The following PEX5L variants were observed in gnomAD, a reference collection of about 807,000 sequenced individuals.
The protein encoded by PEX5L is peroxisomal biogenesis factor 5 like, also known as PEX5-related protein.
In PEX5L, 30 loss-of-function variants were observed where a neutral mutation model predicts 84.0. That is an observed-to-expected ratio of 0.36 (90% CI 0.27 to 0.48). The LOEUF (loss-of-function observed/expected upper bound fraction) is 0.48, where lower values mean the gene tolerates loss of function less well. Among genes scored for constraint, PEX5L ranks in the 20% least tolerant of loss-of-function variants. The pLI is 0.99. For missense variants in PEX5L, 533 were observed against 754.6 expected (o/e 0.71, Z 3.44); for synonymous variants, 270 against 283.1 (o/e 0.95, Z 0.46).
intron 1 of PEX5L, chr3:179,973,294 A>T (rs1472792484): frequency 7.8e-7 from 1 of 1,283,908 alleles, no homozygotes; most frequent in Non-Finnish European, 1.0e-6. Context: ...CCTTGCCAGA[A>T]CTTGCTGACC....
intron 7 of PEX5L, among the ~76,000 whole-genome samples, chr3:179,867,455 G>A (rs1372219720): frequency 6.6e-6 from 1 of 151,912 alleles, no homozygotes; most frequent in African/African-American, 2.4e-5. Context: ...TTTCTTTCCT[G>A]CCTGCCTGCC....
chr3:179,868,548 T>G (rs1274802668), intron 7 of PEX5L, among the ~76,000 whole-genome samples: 2 of 152,148 alleles, frequency 1.3e-5, no homozygotes, highest in Non-Finnish European at 2.9e-5. Context: ...GAAGTGGCCC[T>G]GCAAAGCTGT....
intron 1 of PEX5L, among the ~76,000 whole-genome samples, chr3:180,024,650 CT>C (rs779705858): frequency 5.5e-4 from 84 of 151,890 alleles, no homozygotes; most frequent in Middle Eastern, 3.4e-3. Context: ...AGTACAGCTC[CT>C]TCCTTGGATC....
chr3:179,946,416 C>T (rs1777559334), intron 2 of PEX5L, among the ~76,000 whole-genome samples: 1 of 152,174 alleles, frequency 6.6e-6, no homozygotes, highest in African/African-American at 2.4e-5. Flanking sequence ...TAGACACCAT[C>T]CCTTATCTCC....
chr3:179,928,614 A>T (rs1578582932), intron 2 of PEX5L, among the ~76,000 whole-genome samples: 2 of 152,200 alleles, frequency 1.3e-5, no homozygotes, highest in Non-Finnish European at 2.9e-5. Flanking sequence ...ATTGAATTTT[A>T]AGCATTTTCC....
intron 1 of PEX5L, among the ~76,000 whole-genome samples, chr3:180,036,089 G>A (rs1452725576): frequency 6.6e-6 from 1 of 152,208 alleles, no homozygotes; most frequent in African/African-American, 2.4e-5. Flanking sequence ...CCCATAATGT[G>A]AAGGGGGAAA....
At chr3:179,969,895 C>A (rs1006656148) in intron 2 of PEX5L, among the ~76,000 whole-genome samples, 2 of 152,070 alleles carry the variant, frequency 1.3e-5, no homozygotes, top group African/African-American at 2.4e-5. Context: ...GTTTTGTTCT[C>A]TTATTTTTTC....
At chr3:179,919,324 G>A (rs1439864358) in intron 2 of PEX5L, among the ~76,000 whole-genome samples, 1 of 152,190 alleles carries the variant, frequency 6.6e-6, no homozygotes, top group Non-Finnish European at 1.5e-5. Flanking sequence ...ACAGCAAGCA[G>A]CCTCTCTCTA....
chr3:179,925,388 T>A (rs1771147711), intron 2 of PEX5L, among the ~76,000 whole-genome samples: 1 of 152,170 alleles, frequency 6.6e-6, no homozygotes, highest in South Asian at 2.1e-4. Context: ...AGTTTCTTTA[T>A]GTCCATGCAA....
chr3:180,001,683 T>C (rs189031736), intron 1 of PEX5L, among the ~76,000 whole-genome samples: 2 of 152,222 alleles, frequency 1.3e-5, no homozygotes, highest in Non-Finnish European at 2.9e-5. Context: ...TTTAATAAAC[T>C]ATTTTATGCA....
chr3:180,028,794 C>T (rs943759928), intron 1 of PEX5L, among the ~76,000 whole-genome samples: 1 of 152,178 alleles, frequency 6.6e-6, no homozygotes, highest in African/African-American at 2.4e-5. Flanking sequence ...TTAACACCAT[C>T]GTTGGAGACA....
chr3:179,945,188 G>C (rs1777180672), intron 2 of PEX5L, among the ~76,000 whole-genome samples: 1 of 152,154 alleles, frequency 6.6e-6, no homozygotes, highest in African/African-American at 2.4e-5. Flanking sequence ...ACCAGAAGAA[G>C]CTGGCAGAAT....
chr3:180,032,846 C>T (rs778048735), intron 1 of PEX5L, among the ~76,000 whole-genome samples: 5 of 151,958 alleles, frequency 3.3e-5, no homozygotes, highest in Non-Finnish European at 7.4e-5. Flanking sequence ...AGAGAAAGAC[C>T]CTGTCTCAAG....
intron 1 of PEX5L, among the ~76,000 whole-genome samples, chr3:179,977,534 G>A (rs891243804): frequency 2.0e-5 from 3 of 152,104 alleles, no homozygotes; most frequent in Non-Finnish European, 2.9e-5. Context: ...CACAGCCACA[G>A]ACTCATTTCT....
At position 179,800,058 on chromosome 3, in the gene PEX5L, A is replaced by G. The variant is rs1220760456; in HGVS notation, c.*1770T>C. 6.6e-6 allele frequency: 1 copy of G among 152,214 alleles called. No homozygotes were observed. The highest frequency in any genetic ancestry group is 1.9e-4 in the East Asian group (1 of 5,198). The allele number at this position is 152,214 out of a possible 1,614,324, so 9.4% of individuals were successfully genotyped here. On this transcript the variant is annotated 3_prime_UTR_variant, in exon 15 of 15. Transcript: ENST00000467460. ...TCTTTATAAACTAGAATAGGTTATAACATATGTAAGCCTCAAGGACTTGTG... is the reference window on the plus strand; with the variant it reads ...TCTTTATAAACTAGAATAGGTTATAGCATATGTAAGCCTCAAGGACTTGTG...
intron 1 of PEX5L, among the ~76,000 whole-genome samples, chr3:180,015,403 G>A (rs1335665122): frequency 6.6e-6 from 1 of 152,172 alleles, no homozygotes; most frequent in Non-Finnish European, 1.5e-5. Flanking sequence ...AAAACGAGGT[G>A]TGTGTGTGTT....
chr3:179,810,236 A>T (rs960537565), intron 11 of PEX5L, among the ~76,000 whole-genome samples: 1 of 151,518 alleles, frequency 6.6e-6, no homozygotes, highest in African/African-American at 2.4e-5. Context: ...CAAACTCCTG[A>T]CCTCAAGTGA....
intron 1 of PEX5L, among the ~76,000 whole-genome samples, chr3:179,999,541 G>A (rs1397745240): frequency 1.3e-5 from 2 of 152,138 alleles, no homozygotes; most frequent in East Asian, 1.9e-4. Flanking sequence ...ACCATTCCTC[G>A]GGGTGATCAG....
At chr3:179,884,402 TG>T (rs1755121386) in intron 4 of PEX5L, among the ~76,000 whole-genome samples, 1 of 152,172 alleles carries the variant, frequency 6.6e-6, no homozygotes, top group African/African-American at 2.4e-5. Context: ...CTGCTGCTTT[TG>T]AAGATGGAGC....
Sources: gnomAD v4.1 joint callset for allele counts (sites outside exome capture counted in the v4.1 genomes callset) on GRCh38, gnomAD v4.1.1 for gene constraint, MANE v1.5 for transcripts, NCBI Gene and HGNC (gene_info 2026-07-23, HGNC 2026-07-21) for gene names.